The following ARHGAP26 variants were observed in gnomAD, a reference collection of about 807,000 sequenced individuals.
ARHGAP26 encodes the protein rho GTPase-activating protein 26.
A neutral mutation model predicts 104.8 loss-of-function variants in ARHGAP26; 38 were observed. The ratio of observed to expected loss-of-function variants is 0.36; its 90% confidence interval spans 0.28 to 0.48. ARHGAP26 has a LOEUF of 0.48. Ranked by LOEUF, ARHGAP26 falls within the 20% of genes least tolerant of loss-of-function variation. The pLI is 0.99. For missense variants in ARHGAP26, 704 were observed against 947.9 expected (o/e 0.74, Z 3.38); for synonymous variants, 341 against 340.0 (o/e 1.00, Z -0.03).
chr5:143,207,862 C>A (rs1808820938), intron 21 of ARHGAP26, among the ~76,000 whole-genome samples: 1 of 152,206 alleles, frequency 6.6e-6, no homozygotes, highest in Admixed American at 6.5e-5. Flanking sequence ...GGCCCCTGGC[C>A]CTAAGCACTG....
At chr5:143,001,401 T>C (rs890302617) in intron 11 of ARHGAP26, among the ~76,000 whole-genome samples, 3 of 152,246 alleles carry the variant, frequency 2.0e-5, no homozygotes, top group Non-Finnish European at 2.9e-5. Flanking sequence ...TGCTGATATC[T>C]GCAACTCCTC....
intron 11 of ARHGAP26, among the ~76,000 whole-genome samples, chr5:142,965,356 C>A (rs558977400): frequency 6.6e-6 from 1 of 152,202 alleles, no homozygotes; most frequent in Non-Finnish European, 1.5e-5. Context: ...CTCCCTTTCC[C>A]GGTCTGCTAA....
At chr5:142,830,517 CCT>C (rs1768190933) in intron 1 of ARHGAP26, among the ~76,000 whole-genome samples, 1 of 152,086 alleles carries the variant, frequency 6.6e-6, no homozygotes, top group Non-Finnish European at 1.5e-5. Flanking sequence ...ATTGTGATGA[CCT>C]CTGAGTGAAG....
rs1779253810 is a variant in ARHGAP26 at position 143,014,087 on chromosome 5, A to G, written c.1115A>G (p.Asn372Ser). The change falls in exon 12 of 23, where the codon AAC becomes AGC. Residue 372 changes from asparagine to serine, a missense_variant. Around this residue, in one of 6 missense-constraint regions of ARHGAP26, gnomAD observed 287 missense variants for 438.8 expected, o/e 0.65. Transcript: ENST00000645722. ...EAMDGREPVY[N>S]SNKDSQSEGT... The stretch of plus-strand genomic sequence containing the variant: ...TTTATTTTTATTTTCCAGGTCTACA[A>G]CTCGAACAAAGACAGCCAGAGTGAA... 1 of 1,614,172 alleles carries G rather than the reference A, an allele frequency of 6.2e-7. No individual in the cohort carries two copies. Among genetic ancestry groups the G allele is most frequent in the Non-Finnish European group, 8.5e-7 (1 of 1,180,016 alleles).
intron 1 of ARHGAP26, among the ~76,000 whole-genome samples, chr5:142,798,674 G>T (rs1597667206): frequency 6.6e-6 from 1 of 152,320 alleles, no homozygotes; most frequent in East Asian, 1.9e-4. Flanking sequence ...AGAGCAAAGA[G>T]TTTCCGCCCA....
At chr5:142,900,376 C>T (rs960440981) in intron 6 of ARHGAP26, among the ~76,000 whole-genome samples, 4 of 152,072 alleles carry the variant, frequency 2.6e-5, no homozygotes, top group Non-Finnish European at 5.9e-5. Context: ...AGTTTTATAG[C>T]CAGAGGACCC....
At chr5:143,101,203 C>G (rs905878399) in intron 17 of ARHGAP26, among the ~76,000 whole-genome samples, 1 of 152,148 alleles carries the variant, frequency 6.6e-6, no homozygotes, top group African/African-American at 2.4e-5. Context: ...TGGATCATTG[C>G]AAGAGAGTTA....
Position 142,894,125 on chromosome 5 carries a change from TTTGA to T in ARHGAP26, c.487-110_487-107del, listed in dbSNP as rs142210981. Reference sequence around the variant, plus strand: ...GTTATTCTTCTTCTGTGTAATGCTATTTGATTTGTTTTTGAAAATTATCTCCCGA... The same window carrying T: ...GTTATTCTTCTTCTGTGTAATGCTATTTTGTTTTTGAAAATTATCTCCCGA... On this transcript the variant is annotated intron_variant, in intron 5 of 22. Transcript: ENST00000645722. 7.5e-3 allele frequency: 5,506 copies of T among 733,998 alleles called. 37 individuals are homozygous for T. The highest frequency in any genetic ancestry group is 8.6e-3 in the Non-Finnish European group (3,700 of 429,860). 45.5% of individuals were successfully genotyped at this position (733,998 alleles called of 1,614,324 possible).
At chr5:143,118,866 C>G (rs1487663958) in intron 17 of ARHGAP26, among the ~76,000 whole-genome samples, 1 of 151,438 alleles carries the variant, frequency 6.6e-6, no homozygotes, top group Admixed American at 6.6e-5. Context: ...GTGCAGCACA[C>G]CAGCATGGCA....
At chr5:142,913,617 T>C (rs568782811) in intron 10 of ARHGAP26, among the ~76,000 whole-genome samples, 1 of 152,314 alleles carries the variant, frequency 6.6e-6, no homozygotes, top group African/African-American at 2.4e-5. Flanking sequence ...GGAGATTGAG[T>C]AGTAGACTTT....
intron 18 of ARHGAP26, among the ~76,000 whole-genome samples, chr5:143,131,879 C>T (rs905739648): frequency 2.6e-5 from 4 of 152,042 alleles, no homozygotes; most frequent in African/African-American, 9.7e-5. Context: ...CCAAAATAAA[C>T]AGTAGGGAGA....
At chr5:143,175,878 G>T (rs1375825793) in intron 20 of ARHGAP26, among the ~76,000 whole-genome samples, 1 of 152,078 alleles carries the variant, frequency 6.6e-6, no homozygotes, top group Non-Finnish European at 1.5e-5. Context: ...CTTTGGGAGG[G>T]TGAGGCAGGT....
intron 1 of ARHGAP26, among the ~76,000 whole-genome samples, chr5:142,863,108 T>C (rs903987459): frequency 6.7e-6 from 1 of 148,368 alleles, no homozygotes; most frequent in Admixed American, 6.8e-5. Flanking sequence ...CAAGTGAGGT[T>C]TTTTTTTTTT....
At chr5:143,057,589 AAG>A in intron 16 of ARHGAP26, 51 bp from the exon 17 acceptor site, 1 of 1,477,524 alleles carries the variant, frequency 6.8e-7, no homozygotes, top group Non-Finnish European at 9.4e-7. Flanking sequence ...TTCAACCTTA[AAG>A]TTGTTTAGCT....
At chr5:143,015,738 GCA>G (rs201520265) in intron 12 of ARHGAP26, among the ~76,000 whole-genome samples, 2,299 of 152,162 alleles carry the variant, frequency 0.015, 37 homozygotes, top group Middle Eastern at 0.054. Context: ...GGGAGGAGAG[GCA>G]CGTGAATGGA....
chr5:143,133,406 A>G (rs1036214551), intron 18 of ARHGAP26, among the ~76,000 whole-genome samples: 14 of 152,310 alleles, frequency 9.2e-5, no homozygotes, highest in African/African-American at 2.4e-4. Context: ...TCAGCATCAC[A>G]GATAACACGG....
At chr5:142,875,213 C>T (rs745723600) in intron 3 of ARHGAP26, 42 bp downstream of exon 3, 53 of 1,588,170 alleles carry the variant, frequency 3.3e-5, no homozygotes, top group Admixed American at 8.3e-5. Context: ...ATAGTATATT[C>T]GTGTTGAGGG....
At chr5:142,955,346 G>A (rs1436877267) in intron 11 of ARHGAP26, among the ~76,000 whole-genome samples, 1 of 152,100 alleles carries the variant, frequency 6.6e-6, no homozygotes, top group Non-Finnish European at 1.5e-5. Context: ...AAACAAAGAA[G>A]ATGCATTCTG....
At chr5:143,074,127 A>G (rs1030211876) in intron 17 of ARHGAP26, among the ~76,000 whole-genome samples, 2 of 152,194 alleles carry the variant, frequency 1.3e-5, no homozygotes, top group Non-Finnish European at 2.9e-5. Flanking sequence ...TAGTATTGCT[A>G]ATGACTTTTA....
Sources: gnomAD v4.1 joint callset for allele counts (sites outside exome capture counted in the v4.1 genomes callset) on GRCh38, gnomAD v4.1.1 for gene constraint, gnomAD v4.1.1 regional missense constraint, MANE v1.5 for transcripts, NCBI Gene and HGNC (gene_info 2026-07-23, HGNC 2026-07-21) for gene names.